MACF1: variants seen among roughly 807,000 people sequenced by gnomAD.
MACF1 encodes the protein microtubule actin crosslinking factor 1.
MACF1 carries 193 observed loss-of-function variants against 854.8 expected under a neutral mutation model. The ratio of observed to expected loss-of-function variants is 0.23; its 90% CI spans 0.20 to 0.25. MACF1 has a LOEUF of 0.25. MACF1 is among the 10% of genes least tolerant of loss of function. The pLI is 1.00. For synonymous variants in MACF1, 3,185 were observed against 3,226.7 expected, an observed-to-expected ratio of 0.99 and a Z score of 0.44; for missense variants, 7,722 against 8,929.1, an observed-to-expected ratio of 0.86 and a Z score of 5.45.
chr1:39,197,022 G>A (rs944231782), intron 2 of MACF1, among the ~76,000 whole-genome samples: 1 of 152,096 alleles, frequency 6.6e-6, no homozygotes, highest in African/African-American at 2.4e-5. Flanking sequence ...CCTGGGGGGT[G>A]CTAAATGTGA....
intron 2 of MACF1, among the ~76,000 whole-genome samples, chr1:39,183,619 A>G (rs1644131511): frequency 6.6e-6 from 1 of 152,140 alleles, no homozygotes; most frequent in Non-Finnish European, 1.5e-5. Flanking sequence ...TAAGGTGAGC[A>G]CTCTGAAGTT....
chr1:39,452,635 G>C (rs1644361058), intron 86 of MACF1, 49 bp from the exon 87 acceptor site: 3 of 1,610,428 alleles, frequency 1.9e-6, no homozygotes, highest in Middle Eastern at 2.2e-4. Flanking sequence ...CAGTATCTAG[G>C]TCCTTGGCTG....
intron 97 of MACF1, among the ~76,000 whole-genome samples, chr1:39,476,821 G>A (rs1276005549): frequency 6.6e-6 from 1 of 151,166 alleles, no homozygotes; most frequent in Non-Finnish European, 1.5e-5. Context: ...GCTGGGCATG[G>A]TGGATCACGC....
At chr1:39,412,457 T>G in intron 58 of MACF1, 1 of 1,614,056 alleles carries the variant, frequency 6.2e-7, no homozygotes, top group South Asian at 1.1e-5. Context: ...GCCACACTTT[T>G]GGAGGATCAA....
At chr1:39,403,204 T>C (rs1487595027) in intron 58 of MACF1, among the ~76,000 whole-genome samples, 1 of 152,158 alleles carries the variant, frequency 6.6e-6, no homozygotes, top group African/African-American at 2.4e-5. Context: ...GTTCAAGTGG[T>C]TCTCCTGCCT....
intron 71 of MACF1, among the ~76,000 whole-genome samples, chr1:39,438,986 G>T (rs1274206457): frequency 2.6e-5 from 4 of 151,088 alleles, no homozygotes; most frequent in African/African-American, 9.7e-5. Flanking sequence ...GGGAGGCTGA[G>T]GCAGGAGAAT....
chr1:39,293,359 A>T, intron 17 of MACF1, 99 bp from the exon 18 acceptor site: 1 of 1,133,968 alleles, frequency 8.8e-7, no homozygotes, highest in Non-Finnish European at 1.2e-6. Flanking sequence ...TTAAGAGCAA[A>T]TTAATTTCCT....
At chr1:39,430,178 C>G in intron 65 of MACF1, 110 bp downstream of exon 65, 2 of 1,171,602 alleles carry the variant, frequency 1.7e-6, no homozygotes, top group South Asian at 3.2e-5. Flanking sequence ...TGCCCCCTTT[C>G]TTGTTTACTC....
At chr1:39,427,635 A>G (rs746148533) in intron 62 of MACF1, 21 bp downstream of exon 62, 1 of 1,597,916 alleles carries the variant, frequency 6.3e-7, no homozygotes, top group Non-Finnish European at 8.5e-7. Flanking sequence ...GTTACAGTAA[A>G]TGAAAATAGA....
Position 39,335,170 on chromosome 1 carries a change from C to T in MACF1, c.8582C>T (p.Ala2861Val), listed in dbSNP as rs751535654. The change falls in exon 37 of 101, where the codon GCT becomes GTT. Residue 2861 changes from alanine to valine, a missense_variant. Physicochemically the swap from Ala to Val is moderately conservative, Grantham distance 64 (BLOSUM62 0). Coordinates refer to ENST00000564288, the MANE Select transcript of MACF1 (RefSeq NM_001394062.1). Reference protein sequence around the residue: ...DQRKPRMSSDAKEFISIINPH... With the variant: ...DQRKPRMSSDVKEFISIINPH... ...CGTAAGCCAAGAATGTCTTCAGATG[C>T]TAAAGAATTTATCAGTATCATAAAT... 1 of 1,613,852 alleles carries T rather than the reference C, an allele frequency of 6.2e-7. No homozygotes were observed. The highest frequency in any genetic ancestry group is 1.1e-5 in the South Asian group (1 of 91,042).
chr1:39,122,580 A>T (rs1484943153), intron 2 of MACF1, among the ~76,000 whole-genome samples: 2 of 152,184 alleles, frequency 1.3e-5, no homozygotes, highest in Non-Finnish European at 2.9e-5. Flanking sequence ...CTAAGAGCAC[A>T]AACAAAAACT....
In MACF1 at chr1:39,395,820, C is replaced by T. The variant is rs182741564; in HGVS notation, c.15816+7162C>T. Among the ~76,000 whole-genome samples the T allele has an allele frequency of 2.4e-4, 36 of 152,106 alleles. 1 individual carries two copies. The highest frequency in any genetic ancestry group is 8.7e-4 in the African/African-American group (36 of 41,474). ...GGAGCCTTTAAGGCCTTTAAGTTTG[C>T]TTCATGTTGAACCTTTTCCAGCTCC... On this transcript the variant is annotated intron_variant, in intron 58 of 100. Coordinates refer to ENST00000564288, the MANE Select transcript of MACF1 (RefSeq NM_001394062.1).
In MACF1 at chr1:39,333,485, T is replaced by G. The variant is rs768904750; in HGVS notation, c.6897T>G (p.His2299Gln). The change falls in exon 37 of 101, where the codon CAT (histidine) becomes CAG (glutamine). Residue 2299 changes from histidine (H) to glutamine (Q), a missense_variant. His to Gln is a conservative substitution (Grantham distance 24). Transcript: ENST00000564288. ...SAQLLDGGIF[H>Q]EQTGQKLLLN... ...AGTTACTAGATGGTGGTATCTTTCATGAACAAACAGGTCAAAAGCTCTTAC... is the reference window on the plus strand; with the variant it reads ...AGTTACTAGATGGTGGTATCTTTCAGGAACAAACAGGTCAAAAGCTCTTAC... 6.2e-7 allele frequency: 1 copy of G among 1,614,208 alleles called. No individual in the cohort carries two copies. Among genetic ancestry groups the G allele is most frequent in the South Asian group, 1.1e-5 (1 of 91,084 alleles).
intron 89 of MACF1, chr1:39,457,187 T>C (rs1193766213): frequency 1.3e-5 from 2 of 152,384 alleles, no homozygotes; most frequent in Non-Finnish European, 2.9e-5. Flanking sequence ...GAAGCAGTTC[T>C]AAAATTTCCA....
chr1:39,302,189 G>A (rs1264634735), intron 22 of MACF1, among the ~76,000 whole-genome samples: 5 of 152,040 alleles, frequency 3.3e-5, no homozygotes, highest in African/African-American at 7.2e-5. Flanking sequence ...GTAGAGATGA[G>A]GTTTTACTAT....
At chr1:39,402,522 T>C (rs1642518575) in intron 58 of MACF1, among the ~76,000 whole-genome samples, 1 of 152,172 alleles carries the variant, frequency 6.6e-6, no homozygotes, top group Admixed American at 6.5e-5. Flanking sequence ...TGAAATTAGT[T>C]GCCTCAAGAG....
intron 58 of MACF1, among the ~76,000 whole-genome samples, chr1:39,417,913 T>G (rs1206951071): frequency 6.6e-6 from 1 of 151,852 alleles, no homozygotes; most frequent in Non-Finnish European, 1.5e-5. Flanking sequence ...CTGTGCCAGG[T>G]ACTAGGCTCC....
intron 2 of MACF1, among the ~76,000 whole-genome samples, chr1:39,234,905 A>G (rs1415375736): frequency 7.1e-6 from 1 of 141,046 alleles, no homozygotes; most frequent in Non-Finnish European, 1.5e-5. Flanking sequence ...ATCTCAGACG[A>G]TAGGCGGCCG....
At chr1:39,160,775 C>T (rs1301993998) in intron 2 of MACF1, among the ~76,000 whole-genome samples, 2 of 152,224 alleles carry the variant, frequency 1.3e-5, no homozygotes, top group African/African-American at 4.8e-5. Flanking sequence ...TAGATACAAA[C>T]CATTGCCTTT....
Sources: gnomAD v4.1 joint callset for allele counts (sites outside exome capture counted in the v4.1 genomes callset) on GRCh38, gnomAD v4.1.1 for gene constraint, MANE v1.5 for transcripts, NCBI Gene and HGNC (gene_info 2026-07-23, HGNC 2026-07-21) for gene names.